ITFG2: variants seen among roughly 807,000 people sequenced by gnomAD.
ITFG2 encodes integrin alpha FG-GAP repeat containing 2, also known as KICSTOR complex protein ITFG2.
ITFG2 carries 36 observed loss-of-function variants against 54.4 expected under a neutral mutation model. The observed-to-expected ratio is 0.66, with a 90% CI of 0.51 to 0.87. The LOEUF is 0.87. Among genes scored for constraint, ITFG2 ranks in the 40% least tolerant of loss-of-function variants. The pLI is 0.00. For synonymous variants in ITFG2, 211 were observed against 225.4 expected, an observed-to-expected ratio of 0.94 and a Z score of 0.57; for missense variants, 524 against 576.7, an observed-to-expected ratio of 0.91 and a Z score of 0.94.
intron 2 of ITFG2, chr12:2,856,812 CAT>C (rs1278277215): frequency 1.6e-6 from 1 of 635,074 alleles, no homozygotes; most frequent in Non-Finnish European, 2.8e-6. Flanking sequence ...TTCCTAGTGT[CAT>C]AGGATGAAAA....
At chr12:2,838,399 G>A (rs549076779) in intron 1 of ITFG2, among the ~76,000 whole-genome samples, 90 of 152,200 alleles carry the variant, frequency 5.9e-4, no homozygotes, top group African/African-American at 2.0e-3. Flanking sequence ...CTGGCTCTAG[G>A]GAGCCAGCCT....
At chr12:2,824,003 G>A (rs777258857) in intron 11 of ITFG2, 60 bp downstream of exon 11, 5 of 1,612,168 alleles carry the variant, frequency 3.1e-6, no homozygotes, top group Admixed American at 3.3e-5. Context: ...TGCTGCAGGA[G>A]CTGGGCGTGG....
chr12:2,835,842 C>T (rs1201122371), upstream of ITFG2, among the ~76,000 whole-genome samples: 4 of 152,210 alleles, frequency 2.6e-5, no homozygotes, highest in Non-Finnish European at 5.9e-5. Flanking sequence ...CTTACATATG[C>T]ATTCTAAGCA....
At chr12:2,828,256 A>T, downstream of ITFG2, 1 of 1,324,684 alleles carries the variant, frequency 7.5e-7, no homozygotes, top group Non-Finnish European at 1.1e-6. Flanking sequence ...TGTCGTCACT[A>T]TCTAATTTGA....
At chr12:2,855,492 G>C in intron 2 of ITFG2, 1 of 1,348,274 alleles carries the variant, frequency 7.4e-7, no homozygotes, top group South Asian at 1.8e-5. Context: ...TGCAGACAGG[G>C]GTGCAGAAAG....
downstream of ITFG2, chr12:2,828,138 A>T: frequency 4.6e-6 from 6 of 1,309,874 alleles, no homozygotes; most frequent in Non-Finnish European, 6.5e-6. Context: ...CTATGGTTTC[A>T]TCTCCAACCC....
chr12:2,831,600 C>CA (rs1462400510), downstream of ITFG2, among the ~76,000 whole-genome samples: 2 of 151,136 alleles, frequency 1.3e-5, no homozygotes, highest in Non-Finnish European at 1.5e-5. Context: ...AAAAACCAAA[C>CA]AAAAAAAACT....
In ITFG2 at chr12:2,813,198, G is replaced by A. The variant is rs533667851; in HGVS notation, c.96+342G>A. On this transcript the variant is annotated intron_variant, in intron 1 of 11. Transcript: ENST00000228799. Reference sequence around the variant, plus strand: ...ATTACAGGCGCCCGCCACCACGCCCGACTAATTTTTGTGTTTTTAGTAGAG... The same window carrying A: ...ATTACAGGCGCCCGCCACCACGCCCAACTAATTTTTGTGTTTTTAGTAGAG... Among the ~76,000 whole-genome samples, 28 of 152,276 alleles carry A rather than the reference G, an allele frequency of 1.8e-4. No homozygotes were observed. In the East Asian group the frequency reaches 5.4e-3, roughly 29 times the overall value.
intron 2 of ITFG2, among the ~76,000 whole-genome samples, chr12:2,856,252 C>T (rs1435419920): frequency 6.6e-6 from 1 of 152,182 alleles, no homozygotes; most frequent in African/African-American, 2.4e-5. Context: ...TCTGTCTGTG[C>T]TCTTGCTTGG....
At chr12:2,817,671 CTATTT>C in intron 2 of ITFG2, 1 of 517,508 alleles carries the variant, frequency 1.9e-6, no homozygotes, top group Non-Finnish European at 3.4e-6. Flanking sequence ...TACAGAGTTT[CTATTT>C]TATTTTAAGT....
intron 2 of ITFG2, among the ~76,000 whole-genome samples, chr12:2,847,663 CAAAAAAA>C (rs76285511): frequency 3.6e-5 from 3 of 83,104 alleles, no homozygotes; most frequent in African/African-American, 1.1e-4. Flanking sequence ...TAAGACTGTC[CAAAAAAA>C]AAAAAAAAAA....
chr12:2,834,682 G>C (rs761003150), upstream of ITFG2: 3 of 1,612,596 alleles, frequency 1.9e-6, no homozygotes, highest in Non-Finnish European at 2.5e-6. Flanking sequence ...GCTGTCCAGC[G>C]GGAGCAGGTC....
At chr12:2,820,694 G>A (rs202152027) in intron 5 of ITFG2, 30 bp from the exon 6 acceptor site, 27 of 1,339,412 alleles carry the variant, frequency 2.0e-5, no homozygotes, top group East Asian at 9.3e-5. Context: ...TTCTCTCTCC[G>A]TCTCCCTTTA....
downstream of ITFG2, chr12:2,828,079 A>ACCCCATTAAT (rs1298569427): frequency 1.9e-6 from 3 of 1,583,208 alleles, no homozygotes; most frequent in South Asian, 3.3e-5. Flanking sequence ...TATGGCTACC[A>ACCCCATTAAT]CAGCCCCTAG....
intron 2 of ITFG2, among the ~76,000 whole-genome samples, chr12:2,853,568 C>A (rs11062384): frequency 1.3e-5 from 2 of 151,678 alleles, no homozygotes; most frequent in African/African-American, 4.9e-5. Flanking sequence ...CCACCAGGCC[C>A]GGCCTGTTTT....
rs369249197 is a variant in ITFG2, at chr12:2,851,028, A to G, written n.301-6984A>G. On this transcript the variant is annotated intron_variant and non_coding_transcript_variant, in intron 2 of 3. Transcript: ENST00000537710. ...GAGACAGAGTCTCGCTTAGCCAGGC[A>G]TGGTGGCACGTGCCTGTAATCCCAG... 4.9e-5 allele frequency among the ~76,000 whole-genome samples: 6 copies of G among 121,768 alleles called. No homozygotes were observed. In the South Asian group the frequency reaches 1.9e-3, roughly 39 times the overall value. The allele number at this position is 121,768 out of a possible 152,430, so 79.9% of individuals were successfully genotyped here. A position where few individuals can be genotyped will look rare whatever the true frequency, so the allele number is the denominator to read the frequency against.
downstream of ITFG2, chr12:2,827,291 G>A (rs780917168): frequency 2.2e-5 from 36 of 1,613,534 alleles, no homozygotes; most frequent in South Asian, 2.7e-4. This position sits in a 1 kb window ranked among gnomAD's most constrained non-coding sequence, Gnocchi z 4.0. Flanking sequence ...GCTCCAGGTC[G>A]ATGCAGCACT....
rs1303372209 is a variant in ITFG2 at position 2,812,776 on chromosome 12, T to A, written c.16T>A (p.Tyr6Asn). ...TGGAGGTGCCATGAGGTCAGTTAGC[T>A]ACGTGCAGCGCGTGGCGCTGGAGTT... MRSVS[Y>N]VQRVALEFSG... Residue 6 changes from tyrosine to asparagine, a missense_variant, in exon 1 of 12, where the codon TAC becomes AAC. Coordinates refer to ENST00000228799, the MANE Select transcript of ITFG2 (RefSeq NM_018463.4). The A allele has an allele frequency of 1.2e-6, 2 of 1,611,426 alleles. No homozygotes were observed. The highest frequency in any genetic ancestry group is 1.7e-6 in the Non-Finnish European group (2 of 1,177,804).
At chr12:2,847,676 A>C (rs1017401984) in intron 2 of ITFG2, among the ~76,000 whole-genome samples, 14 of 151,652 alleles carry the variant, frequency 9.2e-5, no homozygotes, top group African/African-American at 3.1e-4. Context: ...AAAAAAAAAA[A>C]AAAAGCCCCC....
Sources: gnomAD v4.1 joint callset for allele counts (sites outside exome capture counted in the v4.1 genomes callset) on GRCh38, gnomAD v4.1.1 for gene constraint, Gnocchi (gnomAD v3.1) non-coding constraint, MANE v1.5 for transcripts, NCBI Gene and HGNC (gene_info 2026-07-23, HGNC 2026-07-21) for gene names.